Variants in LRRFIP1 observed in about 807,000 individuals in gnomAD.
LRRFIP1 encodes the protein leucine-rich repeat flightless-interacting protein 1.
LRRFIP1 carries 62 observed loss-of-function variants against 104.4 expected under a neutral mutation model. The ratio of observed to expected loss-of-function variants is 0.59; its 90% CI spans 0.48 to 0.73. LRRFIP1 has a LOEUF of 0.73. Among genes scored for constraint, LRRFIP1 ranks in the 30% least tolerant of loss-of-function variants. The probability of loss-of-function intolerance (pLI) is 0.00; values close to 1 mark genes in which losing one functional copy is unlikely to be tolerated. For synonymous variants in LRRFIP1, 300 were observed against 299.0 expected, an observed-to-expected ratio of 1.00 and a Z score of -0.03; for missense variants, 796 against 824.5, an observed-to-expected ratio of 0.97 and a Z score of 0.42.
Position 237,747,481 on chromosome 2 carries a change from C to T in LRRFIP1, c.634-883C>T, listed in dbSNP as rs555857164. On this transcript the variant is annotated intron_variant, in intron 11 of 23. Transcript: ENST00000308482. ...GCACCTGCACCCCTGTGCTGAGCTG[C>T]AGGTCCCCGGCACCAGCGTCTGTGC... 3.9e-5 allele frequency among the ~76,000 whole-genome samples: 6 copies of T among 152,310 alleles called. 1 individual carries two copies. The East Asian group carries it at 5.8e-4, about 15-fold the overall frequency.
intron 1 of LRRFIP1, among the ~76,000 whole-genome samples, chr2:237,684,673 G>T (rs1007097884): frequency 6.6e-6 from 1 of 152,058 alleles, no homozygotes; most frequent in South Asian, 2.1e-4. Context: ...TCACAGGAGA[G>T]CTGCCTTAGG....
chr2:237,734,700 G>A (rs1211188717), intron 9 of LRRFIP1, among the ~76,000 whole-genome samples: 6 of 152,128 alleles, frequency 3.9e-5, no homozygotes, highest in East Asian at 1.9e-4. Flanking sequence ...CCTTTATACC[G>A]GGCAAAGTTT....
intron 4 of LRRFIP1, 26 bp from the exon 5 acceptor site, chr2:237,719,497 T>G (rs2150157134): frequency 1.9e-6 from 3 of 1,603,710 alleles, no homozygotes; most frequent in Non-Finnish European, 2.6e-6. Flanking sequence ...GTCTCTAACC[T>G]TTTCATGCTG....
rs772060776 is a variant in LRRFIP1 at position 237,771,551 on chromosome 2, T to TCC, written c.1510-517_1510-516dup. On this transcript the variant is annotated intron_variant, in intron 20 of 23. Transcript: ENST00000308482. Reference sequence around the variant, plus strand: ...GGTGTCTGAGGGGTCCTGGAACCAATCCCCCCCCCCCCCCGCCCAGATACC... The same window carrying TCC: ...GGTGTCTGAGGGGTCCTGGAACCAATCCCCCCCCCCCCCCCCGCCCAGATACC... Among the ~76,000 whole-genome samples, 40 of 50,010 alleles carry TCC rather than the reference T, an allele frequency of 8.0e-4. 1 individual carries two copies. The highest frequency in any genetic ancestry group is 1.1e-3 in the Admixed American group (3 of 2,810). 32.8% of individuals were successfully genotyped at this position (50,010 alleles called of 152,430 possible).
intron 1 of LRRFIP1, among the ~76,000 whole-genome samples, chr2:237,647,644 C>T (rs1409661067): frequency 2.0e-5 from 3 of 151,938 alleles, no homozygotes; most frequent in Admixed American, 6.5e-5. Flanking sequence ...GCCCAGTGGC[C>T]GGGCAATCAC....
chr2:237,654,288 A>G (rs991353774), intron 1 of LRRFIP1, among the ~76,000 whole-genome samples: 2 of 152,226 alleles, frequency 1.3e-5, no homozygotes, highest in African/African-American at 4.8e-5. Flanking sequence ...CATCAGGGAA[A>G]TGCAAATTAA....
chr2:237,693,139 G>T (rs1272584445), intron 1 of LRRFIP1, among the ~76,000 whole-genome samples: 1 of 152,246 alleles, frequency 6.6e-6, no homozygotes, highest in East Asian at 1.9e-4. Flanking sequence ...TTGGGCAGGG[G>T]ATGAGGCGGA....
intron 1 of LRRFIP1, among the ~76,000 whole-genome samples, chr2:237,681,670 G>T (rs2091835305): frequency 1.0e-5 from 1 of 99,950 alleles, no homozygotes; most frequent in Non-Finnish European, 2.1e-5. Context: ...CCCGGCCGCA[G>T]TCCTATTCTT....
intron 1 of LRRFIP1, among the ~76,000 whole-genome samples, chr2:237,699,375 T>C (rs1324392981): frequency 6.7e-6 from 1 of 149,934 alleles, no homozygotes; most frequent in Non-Finnish European, 1.5e-5. Flanking sequence ...TTTTTTGAGA[T>C]GGAATTTCGC....
Position 237,639,001 on chromosome 2 carries a change from C to CT in LRRFIP1, c.96+11269dup, listed in dbSNP as rs1019847563. On this transcript the variant is annotated intron_variant, in intron 1 of 23. Coordinates refer to ENST00000308482, the MANE Select transcript of LRRFIP1 (RefSeq NM_001137550.2). ...AGGCAAGTGAATGCAGCCCAGTCTT[C>CT]TTTTTTTTATCCGAGAAAGAGGAAT... Among the ~76,000 whole-genome samples, 168 of 152,184 alleles carry CT rather than the reference C, an allele frequency of 1.1e-3. 1 individual carries two copies. Among genetic ancestry groups the CT allele is most frequent in the South Asian group, 2.1e-4 (1 of 4,826 alleles).
At chr2:237,737,033 G>A (rs758587258) in intron 10 of LRRFIP1, among the ~76,000 whole-genome samples, 12 of 152,156 alleles carry the variant, frequency 7.9e-5, no homozygotes, top group East Asian at 3.9e-4. Context: ...CCAAGTGGTC[G>A]TGACCTCAGG....
chr2:237,653,290 T>C (rs922473125), intron 1 of LRRFIP1, among the ~76,000 whole-genome samples: 1 of 152,150 alleles, frequency 6.6e-6, no homozygotes, highest in African/African-American at 2.4e-5. Flanking sequence ...CACTTTAGGA[T>C]TAAATGTAAA....
chr2:237,700,089 CG>C, intron 1 of LRRFIP1, among the ~76,000 whole-genome samples: 1 of 152,030 alleles, frequency 6.6e-6, no homozygotes, highest in East Asian at 1.9e-4. Context: ...TTCTTGTCCA[CG>C]TCTGTGCAGG....
Position 237,757,290 on chromosome 2 carries a change from A to C in LRRFIP1, c.1132-166A>C, listed in dbSNP as rs2059368978. Among the ~76,000 whole-genome samples, 6 of 152,246 alleles carry C rather than the reference A, an allele frequency of 3.9e-5. 1 individual carries two copies. Among genetic ancestry groups the C allele is most frequent in the Admixed American group, 3.9e-4 (6 of 15,290 alleles). ...TCCTGCACTTCTTGAAGCCGGAAGT[A>C]GGACAAGGAAAAAAATCCTAGAATG... On this transcript the variant is annotated intron_variant, in intron 16 of 23. Coordinates refer to ENST00000308482, the MANE Select transcript of LRRFIP1 (RefSeq NM_001137550.2).
chr2:237,710,220 G>A (rs751624722), intron 2 of LRRFIP1, among the ~76,000 whole-genome samples: 1 of 152,044 alleles, frequency 6.6e-6, no homozygotes, highest in Non-Finnish European at 1.5e-5. Flanking sequence ...CCCAGTATCA[G>A]TGTCTCTGTA....
chr2:237,635,733 G>A (rs1163922827), intron 1 of LRRFIP1, among the ~76,000 whole-genome samples: 2 of 152,046 alleles, frequency 1.3e-5, no homozygotes, highest in East Asian at 3.8e-4. Flanking sequence ...TCTGAGGCAG[G>A]AGCATCGCTT....
intron 19 of LRRFIP1, chr2:237,763,301 C>T (rs1436396719): frequency 3.1e-6 from 5 of 1,614,110 alleles, no homozygotes; most frequent in Non-Finnish European, 2.5e-6. Context: ...GGGCAACTGT[C>T]AGGAAGCGAC....
rs1575774868 is a variant in LRRFIP1, at chr2:237,717,946, T to G, written c.249+137T>G. ...TTCCTATTGCACCATAATTTAATAC[T>G]GAGAGATTTTCTTCCGGGGATTTCT... On this transcript the variant is annotated intron_variant, in intron 4 of 23. Transcript: ENST00000308482. This position sits in a 1 kb window ranked among gnomAD's most constrained non-coding sequence, Gnocchi z 4.2. 3.9e-6 allele frequency: 3 copies of G among 775,430 alleles called. No individual in the cohort carries two copies. The highest frequency in any genetic ancestry group is 2.9e-5 in the South Asian group (2 of 69,134). The allele number at this position is 775,430 out of a possible 1,614,324, so 48.0% of individuals were successfully genotyped here.
chr2:237,666,108 C>T (rs1484816654), intron 1 of LRRFIP1, among the ~76,000 whole-genome samples: 1 of 152,192 alleles, frequency 6.6e-6, no homozygotes, highest in African/African-American at 2.4e-5. Flanking sequence ...CTTTCTGTGC[C>T]TTCCTTGGAA....
Sources: allele counts gnomAD v4.1 joint callset (sites outside exome capture counted in the v4.1 genomes callset), GRCh38; gene constraint gnomAD v4.1.1; non-coding constraint Gnocchi (gnomAD v3.1); transcripts MANE v1.5; gene names NCBI Gene and HGNC (gene_info 2026-07-23, HGNC 2026-07-21).